GGT7: variants seen among roughly 807,000 people sequenced by gnomAD.
The protein encoded by GGT7 is gamma-glutamyltransferase 7, also known as glutathione hydrolase 7.
GGT7 carries 30 observed loss-of-function variants against 69.2 expected under a neutral mutation model. The observed-to-expected ratio is 0.43, with a 90% CI of 0.32 to 0.59. The LOEUF is 0.59. Among genes scored for constraint, GGT7 ranks in the 20% least tolerant of loss-of-function variants. The pLI is 0.05. For missense variants in GGT7, 733 were observed against 901.1 expected (o/e 0.81, Z 2.39); for synonymous variants, 388 against 391.8 (o/e 0.99, Z 0.12).
chr20:34,860,970 T>C (rs1010221505), intron 4 of GGT7, among the ~76,000 whole-genome samples: 2 of 152,196 alleles, frequency 1.3e-5, no homozygotes, highest in African/African-American at 4.8e-5. Flanking sequence ...ACCCCACCAT[T>C]ACTCTGAGCT....
Position 34,862,903 on chromosome 20 carries a change from C to T in GGT7, c.468G>A (p.Val156=). Residue 156 remains valine, a synonymous_variant, in exon 3 of 15, where the codon GTG becomes GTA. Transcript: ENST00000336431. ...CCACAGAAGATCCCTGTTTACTGAGCACCTCGATGCCCAGTGAAGTGCAGC... is the reference window on the plus strand; with the variant it reads ...CCACAGAAGATCCCTGTTTACTGAGTACCTCGATGCCCAGTGAAGTGCAGC... ...AARCTSLGIE[V]LSKQGSSVDA... is the part of the protein sequence containing the mutation. 1.2e-6 allele frequency: 2 copies of T among 1,614,136 alleles called. No homozygotes were observed. Among genetic ancestry groups the T allele is most frequent in the Admixed American group, 1.7e-5 (1 of 60,022 alleles).
chr20:34,854,312 CA>C (rs1200680618), intron 10 of GGT7, among the ~76,000 whole-genome samples: 1 of 152,090 alleles, frequency 6.6e-6, no homozygotes, highest in Non-Finnish European at 1.5e-5. Flanking sequence ...ATGCTAGCCT[CA>C]AAAAAATTTA....
intron 14 of GGT7, 84 bp from the exon 15 acceptor site, chr20:34,845,575 C>T: frequency 8.6e-7 from 1 of 1,159,758 alleles, no homozygotes; most frequent in Non-Finnish European, 1.3e-6. Context: ...GAGTCCTCAT[C>T]CTGGCTGCTC....
intron 7 of GGT7, among the ~76,000 whole-genome samples, chr20:34,859,241 C>T (rs2079542684): frequency 6.6e-6 from 1 of 152,042 alleles, no homozygotes; most frequent in African/African-American, 2.4e-5. Flanking sequence ...GTCAGCTCCT[C>T]CCAGCCCCAC....
intron 14 of GGT7, among the ~76,000 whole-genome samples, chr20:34,849,511 T>G (rs1036253500): frequency 1.3e-5 from 2 of 152,120 alleles, no homozygotes; most frequent in Admixed American, 6.6e-5. Flanking sequence ...CAAAGAGAAG[T>G]CTTCCTTGAT....
intron 7 of GGT7, among the ~76,000 whole-genome samples, chr20:34,857,739 C>A (rs1347488333): frequency 6.6e-6 from 1 of 151,742 alleles, no homozygotes; most frequent in Non-Finnish European, 1.5e-5. Flanking sequence ...CTGCCTCAGC[C>A]TCCTGAGTAG....
intron 1 of GGT7, among the ~76,000 whole-genome samples, chr20:34,871,738 G>A (rs1434987479): frequency 6.6e-6 from 1 of 152,242 alleles, no homozygotes; most frequent in Non-Finnish European, 1.5e-5. Flanking sequence ...GCGAGGAAGC[G>A]AGAGTGAGGT....
Position 34,854,872 on chromosome 20 carries a change from CTGA to C in GGT7, c.1151_1153del (p.Ile384del). 1 of 1,614,076 alleles carries C rather than the reference CTGA, an allele frequency of 6.2e-7. No homozygotes were observed. The highest frequency in any genetic ancestry group is 8.5e-7 in the Non-Finnish European group (1 of 1,179,924). On this transcript the variant is annotated inframe_deletion, in exon 9 of 15. Coordinates refer to ENST00000336431, the MANE Select transcript of GGT7 (RefSeq NM_178026.3). ...GAAGCCCTCCAGGATGTTGAGAGCA[CTGA>C]TGAGGGCAGGGCCCGTGTGCGGAGG...
intron 7 of GGT7, among the ~76,000 whole-genome samples, chr20:34,858,897 A>G (rs1250374142): frequency 6.6e-6 from 1 of 152,180 alleles, no homozygotes; most frequent in Non-Finnish European, 1.5e-5. Flanking sequence ...CTGGCTAGGC[A>G]TGGGGGCTCA....
rs1382062718 is a variant in GGT7, at chr20:34,863,470, G to C, written c.248C>G (p.Ser83Trp). ...SSSEMGSQDG[S>W]PLRETRKDPF... ...GTCTTTGCGCGTCTCGCGTAGCGGC[G>C]ACCCGTCTTGGCTGCCCATCTCCGA... Residue 83 changes from serine (S) to tryptophan (W), a missense_variant, in exon 2 of 15, where the codon TCG (serine) becomes TGG (tryptophan). Physicochemically the swap from Ser to Trp is radical, Grantham distance 177. Transcript: ENST00000336431. The surrounding 1 kb of genome is among the most constrained non-coding windows in gnomAD (Gnocchi z 4.4). The C allele has an allele frequency of 4.3e-6, 7 of 1,609,538 alleles. No homozygotes were observed. The highest frequency in any genetic ancestry group is 5.9e-6 in the Non-Finnish European group (7 of 1,178,564).
In GGT7 at chr20:34,845,299, G is replaced by T. The variant is rs770296764; in HGVS notation, c.*29C>A. 1.9e-5 allele frequency: 31 copies of T among 1,591,690 alleles called. No individual in the cohort carries two copies. Among genetic ancestry groups the T allele is most frequent in the Non-Finnish European group, 2.6e-5 (30 of 1,167,238 alleles). ...GACTCTGGGAACATGCAAAGTGGGGGAGCAGAGACCCCGCCCCACCCCGCT... is the reference window on the plus strand; with the variant it reads ...GACTCTGGGAACATGCAAAGTGGGGTAGCAGAGACCCCGCCCCACCCCGCT... On this transcript the variant is annotated 3_prime_UTR_variant, in exon 15 of 15. Transcript: ENST00000336431.
chr20:34,867,689 G>C (rs1306064597), intron 1 of GGT7, among the ~76,000 whole-genome samples: 1 of 151,806 alleles, frequency 6.6e-6, no homozygotes, highest in African/African-American at 2.4e-5. Flanking sequence ...TGGGCGACAG[G>C]GTGAAACCCT....
chr20:34,862,553 A>AT, intron 3 of GGT7, among the ~76,000 whole-genome samples: 1 of 150,064 alleles, frequency 6.7e-6, no homozygotes, highest in Non-Finnish European at 1.5e-5. Context: ...GTGCATCTTA[A>AT]TTTATGGTTT....
chr20:34,870,878 G>A (rs914254885), intron 1 of GGT7, among the ~76,000 whole-genome samples: 10 of 151,840 alleles, frequency 6.6e-5, no homozygotes, highest in African/African-American at 2.2e-4. Flanking sequence ...TGTAACCTCT[G>A]CCTCCCCAGT....
Position 34,854,933 on chromosome 20 carries a change from CA to C in GGT7, c.1103-11del. 1 of 1,612,892 alleles carries C rather than the reference CA, an allele frequency of 6.2e-7. No individual in the cohort carries two copies. Among genetic ancestry groups the C allele is most frequent in the Non-Finnish European group, 8.5e-7 (1 of 1,179,442 alleles). The stretch of plus-strand genomic sequence containing the variant: ...CTAAGAACCAGGTGGCCTGAAAGGA[CA>C]GGAAGTGACTGATGGCAGGGTAGGG... On this transcript the variant is annotated splice_polypyrimidine_tract_variant and intron_variant, in intron 8 of 14. Coordinates refer to ENST00000336431, the MANE Select transcript of GGT7 (RefSeq NM_178026.3).
chr20:34,851,361 G>A lies in GGT7; in HGVS notation c.1595C>T (p.Ser532Leu). Residue 532 changes from serine to leucine, a missense_variant, in exon 13 of 15, where the codon TCA becomes TTA. By Grantham distance (145) the Ser-to-Leu change is moderately radical. Transcript: ENST00000336431. Reference protein sequence around the residue: ...ANHSAPSLENSVQPGKRPLSF... With the variant: ...ANHSAPSLENLVQPGKRPLSF... The stretch of plus-strand genomic sequence containing the variant: ...GAGTGGCCGCTTCCCTGGCTGCACT[G>A]AATTCTCCTGTTGTTAGAGGACAGA... The A allele has an allele frequency of 6.2e-7, 1 of 1,612,272 alleles. No individual in the cohort carries two copies. Among genetic ancestry groups the A allele is most frequent in the Non-Finnish European group, 8.5e-7 (1 of 1,179,170 alleles).
rs1468021777 is a variant in GGT7, at chr20:34,863,346, C to T, written c.372G>A (p.Ala124=). The change falls in exon 2 of 15, where the codon GCG becomes GCA. Residue 124 remains alanine (A), a synonymous_variant. Coordinates refer to ENST00000336431, the MANE Select transcript of GGT7 (RefSeq NM_178026.3). The surrounding 1 kb of genome is among the most constrained non-coding windows in gnomAD (Gnocchi z 4.4). Reference sequence around the variant, plus strand: ...CCCCGAAGTAGATCTGCATGACCAGCGCCACGGTGACACCGGTAGCGAAGG... The same window carrying T: ...CCCCGAAGTAGATCTGCATGACCAGTGCCACGGTGACACCGGTAGCGAAGG... ...CLTFATGVTV[A]LVMQIYFGDP... is the part of the protein sequence containing the mutation. 1.2e-6 allele frequency: 2 copies of T among 1,613,850 alleles called. No individual in the cohort carries two copies. The highest frequency in any genetic ancestry group is 1.7e-6 in the Non-Finnish European group (2 of 1,179,860).
At chr20:34,860,194 A>T in intron 5 of GGT7, 60 bp downstream of exon 5, 1 of 1,276,626 alleles carries the variant, frequency 7.8e-7, no homozygotes, top group Non-Finnish European at 1.1e-6. Context: ...GAAGTAGGAG[A>T]AGGCCACCCA....
At chr20:34,845,776 C>T (rs2079295003) in intron 14 of GGT7, among the ~76,000 whole-genome samples, 1 of 152,078 alleles carries the variant, frequency 6.6e-6, no homozygotes, top group Non-Finnish European at 1.5e-5. Flanking sequence ...GAAAACAGGA[C>T]AGGCCGGGTG....
Sources: gnomAD v4.1 joint callset for allele counts (sites outside exome capture counted in the v4.1 genomes callset) on GRCh38, gnomAD v4.1.1 for gene constraint, Gnocchi (gnomAD v3.1) non-coding constraint, MANE v1.5 for transcripts, NCBI Gene and HGNC (gene_info 2026-07-23, HGNC 2026-07-21) for gene names.